The following ZC3HAV1 variants were observed in gnomAD, a reference collection of about 807,000 sequenced individuals.
ZC3HAV1 encodes the protein zinc finger CCCH-type containing, antiviral 1.
ZC3HAV1 carries 41 observed loss-of-function variants against 86.6 expected under a neutral mutation model. That is an observed-to-expected ratio of 0.47 (90% CI 0.37 to 0.61). The LOEUF (loss-of-function observed/expected upper bound fraction) is 0.61, where lower values mean the gene tolerates loss of function less well. Among genes scored for constraint, ZC3HAV1 ranks in the 20% least tolerant of loss-of-function variants. ZC3HAV1 has a pLI of 0.00. For synonymous variants in ZC3HAV1, 421 were observed against 432.1 expected (o/e 0.97, Z 0.32); for missense variants, 964 against 1,141.1 (o/e 0.84, Z 2.24).
In ZC3HAV1 at chr7:139,109,108, C is replaced by A. The variant is rs1457750121; in HGVS notation, c.224G>T (p.Arg75Leu). 1 of 1,592,564 alleles carries A rather than the reference C, an allele frequency of 6.3e-7. No homozygotes were observed. The highest frequency in any genetic ancestry group is 8.6e-7 in the Non-Finnish European group (1 of 1,169,322). The change falls in exon 1 of 13, where the codon CGC becomes CTC. Residue 75 changes from arginine (R) to leucine (L), a missense_variant. Coordinates refer to ENST00000242351, the MANE Select transcript of ZC3HAV1 (RefSeq NM_020119.4). Reference protein sequence around the residue: ...VATTRARVCRRKYCQRPCDNL... With the variant: ...VATTRARVCRLKYCQRPCDNL... Reference sequence around the variant, plus strand: ...ATCGCAGGGTCTCTGGCAGTACTTGCGACGGCAGACCCGGGCTCGAGTGGT... The same window carrying A: ...ATCGCAGGGTCTCTGGCAGTACTTGAGACGGCAGACCCGGGCTCGAGTGGT...
In ZC3HAV1 at chr7:139,054,101, A is replaced by G. The variant is rs774380058; in HGVS notation, c.2188-6T>C. 1 of 1,563,992 alleles carries G rather than the reference A, an allele frequency of 6.4e-7. No homozygotes were observed. Among genetic ancestry groups the G allele is most frequent in the South Asian group, 1.2e-5 (1 of 82,248 alleles). ...AGGTGATGGATCTCTGACAACTAAT[A>G]AAGTTTAAAAATAGATAAATGTGAA... On this transcript the variant is annotated splice_polypyrimidine_tract_variant and splice_region_variant and intron_variant, in intron 10 of 12. Transcript: ENST00000242351.
rs1341680817 is a variant in ZC3HAV1, at chr7:139,108,538, C to A, written c.308+486G>T. Among the ~76,000 whole-genome samples, 2 of 152,174 alleles carry A rather than the reference C, an allele frequency of 1.3e-5. No homozygotes were observed. The highest frequency in any genetic ancestry group is 2.1e-4 in the South Asian group (1 of 4,834). ...AGGGAGGGACAAGCAGAGAGACCTG[C>A]GGCTCGCTCCGGCGGAGACGGACCG... On this transcript the variant is annotated intron_variant, in intron 1 of 12. Transcript: ENST00000242351. This position sits in a 1 kb window ranked among gnomAD's most constrained non-coding sequence, Gnocchi z 4.2.
chr7:139,079,653 T>C lies in ZC3HAV1; in HGVS notation c.1288A>G (p.Asn430Asp), dbSNP rs750365070. 1.2e-6 allele frequency: 2 copies of C among 1,614,202 alleles called. No individual in the cohort carries two copies. The highest frequency in any genetic ancestry group is 3.3e-5 in the Admixed American group (2 of 60,022). Residue 430 changes from asparagine to aspartate, a missense_variant, in exon 4 of 13, where the codon AAT becomes GAT. Transcript: ENST00000242351. ...QDIQPGPLFN[N>D]NADGVATDIT... ...TCTGTGGCCACTCCATCAGCATTAT[T>C]ATTAAAAAGAGGGCCAGGCTGGATG...
intron 5 of ZC3HAV1, among the ~76,000 whole-genome samples, chr7:139,078,201 T>C (rs1186700159): frequency 2.6e-5 from 4 of 152,220 alleles, no homozygotes; most frequent in Non-Finnish European, 5.9e-5. Context: ...ATTACACCAC[T>C]GCACTCCATC....
intron 1 of ZC3HAV1, among the ~76,000 whole-genome samples, chr7:139,107,915 T>C (rs1389818714): frequency 6.6e-6 from 1 of 152,210 alleles, no homozygotes. Context: ...GAGGAAAGAC[T>C]GGCCATTCAT....
intron 6 of ZC3HAV1, among the ~76,000 whole-genome samples, chr7:139,075,263 A>G (rs2130699392): frequency 6.6e-6 from 1 of 152,290 alleles, no homozygotes; most frequent in Admixed American, 6.5e-5. Flanking sequence ...CCAGCAACAC[A>G]GAATCTCCAC....
intron 12 of ZC3HAV1, among the ~76,000 whole-genome samples, chr7:139,052,884 G>A (rs1224228739): frequency 2.6e-5 from 4 of 151,158 alleles, no homozygotes; most frequent in African/African-American, 9.8e-5. Flanking sequence ...AGCCGAGATT[G>A]TCACCCAAAC....
intron 3 of ZC3HAV1, among the ~76,000 whole-genome samples, chr7:139,082,986 T>C (rs1228318111): frequency 2.0e-5 from 3 of 152,208 alleles, no homozygotes; most frequent in African/African-American, 7.2e-5. Flanking sequence ...GAGAATGGCC[T>C]TGTTCTGAGG....
Position 139,093,656 on chromosome 7 carries a change from A to G in ZC3HAV1, c.309-3897T>C, listed in dbSNP as rs186960519. ...CGCCAGAGAACAACCCCCTTTGACT[A>G]TAATTTTCCACTACCTACCCAAATC... On this transcript the variant is annotated intron_variant, in intron 1 of 12. Coordinates refer to ENST00000242351, the MANE Select transcript of ZC3HAV1 (RefSeq NM_020119.4). 5.2e-3 allele frequency among the ~76,000 whole-genome samples: 784 copies of G among 152,158 alleles called. 3 individuals carry two copies. Among genetic ancestry groups the G allele is most frequent in the Non-Finnish European group, 7.2e-3 (492 of 68,012 alleles).
At chr7:139,076,243 T>A in intron 6 of ZC3HAV1, 43 bp downstream of exon 6, 2 of 1,613,374 alleles carry the variant, frequency 1.2e-6, no homozygotes, top group Non-Finnish European at 1.7e-6. Context: ...TTCCCTTTGA[T>A]AATGTTGGAC....
chr7:139,084,136 A>G, intron 2 of ZC3HAV1, 104 bp from the exon 3 acceptor site: 1 of 1,459,242 alleles, frequency 6.9e-7, no homozygotes, highest in Non-Finnish European at 9.2e-7. Flanking sequence ...AAGCAAGCAG[A>G]GATATACCAA....
chr7:139,052,332 G>A (rs1280916048), intron 12 of ZC3HAV1, among the ~76,000 whole-genome samples: 3 of 132,058 alleles, frequency 2.3e-5, no homozygotes, highest in Non-Finnish European at 4.6e-5. Context: ...CAGGCCAGGC[G>A]CAGTGGCTCA....
At chr7:139,071,584 G>T (rs1037732842) in intron 7 of ZC3HAV1, among the ~76,000 whole-genome samples, 1 of 152,102 alleles carries the variant, frequency 6.6e-6, no homozygotes, top group Admixed American at 6.5e-5. Context: ...TGACAGAATC[G>T]CTTATTTGAC....
chr7:139,095,190 A>G (rs940507068), intron 1 of ZC3HAV1, among the ~76,000 whole-genome samples: 1 of 152,182 alleles, frequency 6.6e-6, no homozygotes, highest in African/African-American at 2.4e-5. Flanking sequence ...CATTGAGCTA[A>G]AGAATAAAAT....
chr7:139,095,635 C>T (rs1468185665), intron 1 of ZC3HAV1, among the ~76,000 whole-genome samples: 1 of 152,150 alleles, frequency 6.6e-6, no homozygotes, highest in Non-Finnish European at 1.5e-5. Context: ...TAGGGGAGGC[C>T]GGAGGCCAAG....
At chr7:139,054,989 C>A (rs112004394) in intron 10 of ZC3HAV1, among the ~76,000 whole-genome samples, 2 of 152,132 alleles carry the variant, frequency 1.3e-5, no homozygotes, top group African/African-American at 4.8e-5. Context: ...AGGGTTTCAC[C>A]GTGTTGTCCA....
At chr7:139,077,291 T>G (rs1314319508) in intron 5 of ZC3HAV1, among the ~76,000 whole-genome samples, 2 of 152,244 alleles carry the variant, frequency 1.3e-5, no homozygotes, top group Non-Finnish European at 2.9e-5. Flanking sequence ...TCGCCCAGGC[T>G]GGAGTGCAAT....
intron 7 of ZC3HAV1, among the ~76,000 whole-genome samples, chr7:139,066,716 G>C (rs79549837): frequency 0.011 from 1,644 of 152,228 alleles, 26 homozygotes; most frequent in African/African-American, 0.038. Context: ...GGCATGATGT[G>C]GGGCGGGTAG....
rs767144137 is a variant in ZC3HAV1 at position 139,080,062 on chromosome 7, G to A, written c.879C>T (p.Leu293=). The change falls in exon 4 of 13, where the codon CTC becomes CTT. Residue 293 remains leucine, a synonymous_variant. Transcript: ENST00000242351. ...ASLEDAPVDD[L]TRKFTYLGSQ... Reference sequence around the variant, plus strand: ...TCCCCAGATACGTGAACTTGCGGGTGAGATCGTCCACAGGCGCGTCCTCCA... The same window carrying A: ...TCCCCAGATACGTGAACTTGCGGGTAAGATCGTCCACAGGCGCGTCCTCCA... 3.7e-6 allele frequency: 6 copies of A among 1,614,172 alleles called. No homozygotes were observed. The African/African-American group carries it at 8.0e-5, about 22-fold the overall frequency.
Sources: gnomAD v4.1 joint callset for allele counts (sites outside exome capture counted in the v4.1 genomes callset) on GRCh38, gnomAD v4.1.1 for gene constraint, Gnocchi (gnomAD v3.1) non-coding constraint, MANE v1.5 for transcripts, NCBI Gene and HGNC (gene_info 2026-07-23, HGNC 2026-07-21) for gene names.